The following PRKCB variants were observed in gnomAD, a reference collection of about 807,000 sequenced individuals.
PRKCB encodes protein kinase C beta, also known as protein kinase C beta type.
A neutral mutation model predicts 81.5 loss-of-function variants in PRKCB; 13 were observed. The observed-to-expected ratio is 0.16, with a 90% CI of 0.10 to 0.25. The LOEUF (loss-of-function observed/expected upper bound fraction) is 0.25, where lower values mean the gene tolerates loss of function less well. Among genes scored for constraint, PRKCB ranks in the 10% least tolerant of loss-of-function variants. The pLI, the probability that PRKCB is intolerant of heterozygous loss-of-function variation, is 1.00. For missense variants in PRKCB, 509 were observed against 875.7 expected (o/e 0.58, Z 5.29); for synonymous variants, 335 against 321.4 (o/e 1.04, Z -0.45).
chr16:24,219,142 C>T lies in PRKCB; in HGVS notation c.*4326C>T, dbSNP rs1425121237. 2 of 985,204 alleles carry T rather than the reference C, an allele frequency of 2.0e-6. No homozygotes were observed. Among genetic ancestry groups the T allele is most frequent in the African/African-American group, 1.7e-5 (1 of 57,182 alleles). 61.0% of individuals were successfully genotyped at this position (985,204 alleles called of 1,614,324 possible). A position where few individuals can be genotyped will look rare whatever the true frequency, so the allele number is the denominator to read the frequency against. ...CTGATGTTCCCTGGTGAGACTTGCCCCAAGCAATTGCTAGTAAATGGGGGT... is the reference window on the plus strand; with the variant it reads ...CTGATGTTCCCTGGTGAGACTTGCCTCAAGCAATTGCTAGTAAATGGGGGT... On this transcript the variant is annotated 3_prime_UTR_variant, in exon 17 of 17. Transcript: ENST00000643927.
At chr16:24,066,990 C>G (rs1048788887) in intron 5 of PRKCB, among the ~76,000 whole-genome samples, 4 of 151,118 alleles carry the variant, frequency 2.6e-5, no homozygotes, top group African/African-American at 7.3e-5. Context: ...GCTGGGACCA[C>G]AGGTGCATGC....
At chr16:24,001,064 G>A (rs930918788) in intron 3 of PRKCB, among the ~76,000 whole-genome samples, 4 of 151,864 alleles carry the variant, frequency 2.6e-5, no homozygotes, top group Non-Finnish European at 5.9e-5. Context: ...CACAAAGAAG[G>A]CACTCAATAC....
chr16:23,917,389 T>A (rs2141740921), intron 2 of PRKCB, among the ~76,000 whole-genome samples: 1 of 152,322 alleles, frequency 6.6e-6, no homozygotes, highest in East Asian at 1.9e-4. Context: ...CTCATTCTGT[T>A]TTATGATTGC....
Position 24,040,324 on chromosome 16 carries a change from C to CCA in PRKCB, c.529+4783_529+4784dup, listed in dbSNP as rs541147816. ...TTAATCCTTGGTCCTCTGCAGACTG[C>CCA]CACACACCATAAGACATCTGTGCGT... On this transcript the variant is annotated intron_variant, in intron 5 of 16. Coordinates refer to ENST00000643927, the MANE Select transcript of PRKCB (RefSeq NM_002738.7). 3.0e-3 allele frequency among the ~76,000 whole-genome samples: 458 copies of CCA among 152,286 alleles called. 3 individuals are homozygous for CCA. The highest frequency in any genetic ancestry group is 0.011 in the African/African-American group (445 of 41,548).
rs116081284 is a variant in PRKCB at position 24,171,694 on chromosome 16, T to A, written c.1240-576T>A. Reference sequence around the variant, plus strand: ...TAAGTCACAAGATTAATATGCTAATTGTATTTTCCAGCAAAAACAAATATA... The same window carrying A: ...TAAGTCACAAGATTAATATGCTAATAGTATTTTCCAGCAAAAACAAATATA... On this transcript the variant is annotated intron_variant, in intron 10 of 16. Transcript: ENST00000643927. Among the ~76,000 whole-genome samples, 1,021 of 152,294 alleles carry A rather than the reference T, an allele frequency of 6.7e-3. 12 individuals carry two copies. The highest frequency in any genetic ancestry group is 0.023 in the African/African-American group (940 of 41,566).
intron 2 of PRKCB, among the ~76,000 whole-genome samples, chr16:23,979,409 T>C (rs1373721515): frequency 6.6e-6 from 1 of 151,104 alleles, no homozygotes; most frequent in Non-Finnish European, 1.5e-5. Flanking sequence ...TTAACACTCA[T>C]GTGCCATTCG....
At chr16:24,011,962 C>T (rs1048684622) in intron 3 of PRKCB, among the ~76,000 whole-genome samples, 2 of 152,196 alleles carry the variant, frequency 1.3e-5, no homozygotes, top group Admixed American at 6.5e-5. Context: ...GAGGCCTGAA[C>T]CTGCTTTGCC....
intron 2 of PRKCB, among the ~76,000 whole-genome samples, chr16:23,899,628 CTCTCTCTCTCTCTCTCTG>C (rs1293846687): frequency 0.013 from 214 of 16,380 alleles, 62 homozygotes; most frequent in East Asian, 0.019. Context: ...CTCTCTCTCT[CTCTCTCTCTCTCTCTCTG>C]TGTGTGTGTG....
At chr16:23,891,546 A>G (rs1201690535) in intron 2 of PRKCB, among the ~76,000 whole-genome samples, 1 of 152,172 alleles carries the variant, frequency 6.6e-6, no homozygotes, top group Non-Finnish European at 1.5e-5. Context: ...GGACACTTCC[A>G]AAAGTACTTT....
chr16:24,018,372 C>T (rs562864002), intron 3 of PRKCB, among the ~76,000 whole-genome samples: 1 of 152,332 alleles, frequency 6.6e-6, no homozygotes, highest in East Asian at 1.9e-4. Flanking sequence ...AAATGTTCAT[C>T]TTCACCAGCA....
At chr16:24,085,543 C>T (rs1966301535) in intron 5 of PRKCB, among the ~76,000 whole-genome samples, 1 of 152,188 alleles carries the variant, frequency 6.6e-6, no homozygotes, top group Non-Finnish European at 1.5e-5. Flanking sequence ...AATTTGGACT[C>T]TCTTAAGAGT....
intron 5 of PRKCB, among the ~76,000 whole-genome samples, chr16:24,042,938 T>C (rs1235491200): frequency 2.0e-5 from 3 of 152,084 alleles, no homozygotes; most frequent in Non-Finnish European, 4.4e-5. Flanking sequence ...GGTTTTGCCA[T>C]GTTGCCTAGG....
chr16:24,056,540 G>A (rs1965904439), intron 5 of PRKCB, among the ~76,000 whole-genome samples: 1 of 152,192 alleles, frequency 6.6e-6, no homozygotes, highest in African/African-American at 2.4e-5. Flanking sequence ...TGGAGGTGAG[G>A]CCTCGTGGGA....
intron 3 of PRKCB, among the ~76,000 whole-genome samples, chr16:24,017,917 T>A (rs997524829): frequency 1.1e-4 from 16 of 145,728 alleles, no homozygotes; most frequent in Non-Finnish European, 2.0e-4. Flanking sequence ...TTTTTTTTTT[T>A]AGACAGAGTC....
chr16:24,143,387 C>T (rs1312093732), intron 9 of PRKCB, among the ~76,000 whole-genome samples: 1 of 152,116 alleles, frequency 6.6e-6, no homozygotes, highest in African/African-American at 2.4e-5. Context: ...CCTGCCGTGG[C>T]CTCCAAGGTG....
intron 9 of PRKCB, among the ~76,000 whole-genome samples, chr16:24,150,333 A>G (rs1391003377): frequency 2.0e-5 from 3 of 152,120 alleles, no homozygotes; most frequent in African/African-American, 7.2e-5. Flanking sequence ...AAAACGAAAA[A>G]CAGAAAACAA....
chr16:23,918,088 C>T (rs1267134111), intron 2 of PRKCB, among the ~76,000 whole-genome samples: 1 of 151,916 alleles, frequency 6.6e-6, no homozygotes, highest in South Asian at 2.1e-4. Context: ...TTCTTAGAGC[C>T]GGCTGGGGAT....
chr16:23,875,480 G>GATATATATATATATATATATATAT (rs71381624), intron 2 of PRKCB, among the ~76,000 whole-genome samples: 6 of 4,642 alleles, frequency 1.3e-3, no homozygotes, highest in African/African-American at 2.5e-3. Flanking sequence ...CAACTAAAAA[G>GATATATATATATATATATATATAT]ATATATATAT....
intron 16 of PRKCB, among the ~76,000 whole-genome samples, chr16:24,192,345 A>C (rs1233437751): frequency 6.6e-6 from 1 of 152,172 alleles, no homozygotes; most frequent in Non-Finnish European, 1.5e-5. Context: ...TGAGGGGCAG[A>C]ATCCTGCTGC....
Sources: gnomAD v4.1 joint callset for allele counts (sites outside exome capture counted in the v4.1 genomes callset) on GRCh38, gnomAD v4.1.1 for gene constraint, MANE v1.5 for transcripts, NCBI Gene and HGNC (gene_info 2026-07-23, HGNC 2026-07-21) for gene names.